ARAP2: variants seen among roughly 807,000 people sequenced by gnomAD.
The protein encoded by ARAP2 is arf-GAP with Rho-GAP domain, ANK repeat and PH domain-containing protein 2.
ARAP2 carries 148 observed loss-of-function variants against 194.5 expected under a neutral mutation model. That is an observed-to-expected ratio of 0.76 (90% CI 0.67 to 0.87). The LOEUF (loss-of-function observed/expected upper bound fraction) is 0.87, where lower values mean the gene tolerates loss of function less well. ARAP2 is among the 40% of genes least tolerant of loss of function. ARAP2 has a pLI of 0.00. For missense variants in ARAP2, 2,128 were observed against 1,989.7 expected (o/e 1.07, Z -1.32); for synonymous variants, 695 against 683.5 (o/e 1.02, Z -0.26).
chr4:36,079,897 T>G (rs1326276363), intron 31 of ARAP2, among the ~76,000 whole-genome samples: 1 of 152,096 alleles, frequency 6.6e-6, no homozygotes, highest in Non-Finnish European at 1.5e-5. Context: ...TATGTGGGAT[T>G]GTGGTAGGAT....
intron 25 of ARAP2, among the ~76,000 whole-genome samples, chr4:36,114,939 T>G (rs1400468869): frequency 6.6e-6 from 1 of 152,062 alleles, no homozygotes; most frequent in African/African-American, 2.4e-5. Context: ...TTTCTTTTTG[T>G]TTTTGCTTAT....
chr4:36,070,081 A>G (rs1726465833), intron 32 of ARAP2, among the ~76,000 whole-genome samples: 1 of 152,146 alleles, frequency 6.6e-6, no homozygotes, highest in Non-Finnish European at 1.5e-5. Context: ...CTAATTAAAC[A>G]TCTTTTCTTC....
chr4:36,191,630 C>A (rs927279767), intron 7 of ARAP2, among the ~76,000 whole-genome samples: 8 of 151,756 alleles, frequency 5.3e-5, no homozygotes, highest in African/African-American at 1.7e-4. Context: ...AAAAAATACT[C>A]AAATGACAAC....
chr4:36,083,404 T>A lies in ARAP2; in HGVS notation c.4472A>T (p.Tyr1491Phe). The A allele has an allele frequency of 6.2e-7, 1 of 1,608,866 alleles. No individual in the cohort carries two copies. The highest frequency in any genetic ancestry group is 8.5e-7 in the Non-Finnish European group (1 of 1,178,084). ...CTTCATTTTCTTTTTCACTCCACGA[T>A]AAAACTTCATGGAACTGAGAGAAAA... ...KMFSLSSMKF[Y>F]RGVKKKMKPP... Residue 1491 changes from tyrosine to phenylalanine, a missense_variant, in exon 29 of 33, where the codon TAT (tyrosine) becomes TTT (phenylalanine). Tyr to Phe is a conservative substitution (Grantham distance 22). Transcript: ENST00000303965.
intron 8 of ARAP2, among the ~76,000 whole-genome samples, chr4:36,185,191 G>C (rs777645792): frequency 3.9e-5 from 6 of 152,208 alleles, no homozygotes; most frequent in African/African-American, 7.2e-5. Context: ...CACTGAGCCA[G>C]ATTTAGGCTG....
rs563882405 is a variant in ARAP2, at chr4:36,041,253, T to C, written n.607+4726A>G. On this transcript the variant is annotated intron_variant and non_coding_transcript_variant, in intron 5 of 12. Transcript: ENST00000503225. ...ATGAATAGACAACCTACCTACAGAATGGGAGAAAAAGTTTGCAAAGTATGC... is the reference window on the plus strand; with the variant it reads ...ATGAATAGACAACCTACCTACAGAACGGGAGAAAAAGTTTGCAAAGTATGC... Among the ~76,000 whole-genome samples the C allele has an allele frequency of 5.3e-5, 8 of 152,118 alleles. No individual in the cohort carries two copies. The South Asian group carries it at 1.7e-3, about 32-fold the overall frequency.
chr4:36,094,356 T>C (rs1714606494), intron 27 of ARAP2, among the ~76,000 whole-genome samples: 1 of 152,150 alleles, frequency 6.6e-6, no homozygotes, highest in Non-Finnish European at 1.5e-5. Context: ...TTCAGAGACC[T>C]TATGGCTTAC....
At chr4:36,225,945 G>T (rs903398041) in intron 2 of ARAP2, among the ~76,000 whole-genome samples, 1 of 151,980 alleles carries the variant, frequency 6.6e-6, no homozygotes, top group African/African-American at 2.4e-5. Flanking sequence ...CCCACAGTTT[G>T]ATTTAAAAAG....
At chr4:36,023,956 A>C (rs2063397) in intron 5 of ARAP2, among the ~76,000 whole-genome samples, 125,996 of 151,734 alleles carry the variant, frequency 0.83, 52,871 homozygotes, top group Middle Eastern at 0.91. Flanking sequence ...TTTCCAATTT[A>C]ATCAATAAAA....
At chr4:36,162,107 CAA>C (rs11346353) in intron 11 of ARAP2, among the ~76,000 whole-genome samples, 177 of 135,496 alleles carry the variant, frequency 1.3e-3, no homozygotes, top group African/African-American at 1.6e-3. Flanking sequence ...GACTCCGTCT[CAA>C]AAAAAAAAAA....
intron 8 of ARAP2, among the ~76,000 whole-genome samples, chr4:36,185,757 C>A (rs113563287): frequency 2.6e-4 from 39 of 151,718 alleles, no homozygotes; most frequent in African/African-American, 9.2e-4. Context: ...GGGCAGATCA[C>A]CTGAGATCAG....
At chr4:36,223,212 G>C (rs1002801989) in intron 2 of ARAP2, among the ~76,000 whole-genome samples, 2 of 152,004 alleles carry the variant, frequency 1.3e-5, no homozygotes, top group Non-Finnish European at 2.9e-5. Context: ...ATTTTAGTAA[G>C]TTAAAACTTA....
chr4:36,160,031 A>T, intron 13 of ARAP2: 3 of 942,204 alleles, frequency 3.2e-6, no homozygotes, highest in Non-Finnish European at 3.8e-6. Context: ...AGAAGGCGGC[A>T]ATAAAAAATA....
intron 1 of ARAP2, among the ~76,000 whole-genome samples, chr4:36,234,250 T>C (rs1578374128): frequency 6.6e-6 from 1 of 152,142 alleles, no homozygotes; most frequent in Admixed American, 6.5e-5. Context: ...GGATGGGAAG[T>C]CCAAGGTCAA....
At chr4:36,111,740 T>A (rs184944154) in intron 26 of ARAP2, among the ~76,000 whole-genome samples, 1 of 152,102 alleles carries the variant, frequency 6.6e-6, no homozygotes, top group African/African-American at 2.4e-5. Flanking sequence ...AAGATAAAAT[T>A]TCAAAACAAT....
At chr4:36,192,658 C>A (rs1742181021) in intron 7 of ARAP2, among the ~76,000 whole-genome samples, 1 of 152,144 alleles carries the variant, frequency 6.6e-6, no homozygotes, top group Non-Finnish European at 1.5e-5. Flanking sequence ...TGTCTTAAGA[C>A]TCAAATGTAC....
At chr4:36,223,609 G>A (rs887715875) in intron 2 of ARAP2, among the ~76,000 whole-genome samples, 1 of 152,100 alleles carries the variant, frequency 6.6e-6, no homozygotes, top group East Asian at 1.9e-4. Context: ...AACCCCCAAC[G>A]TGGCGACTGT....
chr4:36,229,669 C>A, intron 1 of ARAP2, 24 bp from the exon 2 acceptor site: 1 of 443,000 alleles, frequency 2.3e-6, no homozygotes, highest in Non-Finnish European at 4.0e-6. Flanking sequence ...AAAAATGATT[C>A]ATTAGGCTAT....
At chr4:36,177,143 T>C (rs1421494235) in intron 9 of ARAP2, among the ~76,000 whole-genome samples, 6 of 152,050 alleles carry the variant, frequency 3.9e-5, no homozygotes, top group African/African-American at 1.4e-4. Flanking sequence ...CAAACAAAGC[T>C]AACAGGATTT....
Sources: gnomAD v4.1 joint callset for allele counts (sites outside exome capture counted in the v4.1 genomes callset) on GRCh38, gnomAD v4.1.1 for gene constraint, MANE v1.5 for transcripts, NCBI Gene and HGNC (gene_info 2026-07-23, HGNC 2026-07-21) for gene names.